The following ACTN2 variants were observed in gnomAD, a reference collection of about 807,000 sequenced individuals.
ACTN2 encodes the protein alpha-actinin-2.
ACTN2 carries 39 observed loss-of-function variants against 113.8 expected under a neutral mutation model. That is an observed-to-expected ratio of 0.34 (90% CI 0.27 to 0.45). The LOEUF (loss-of-function observed/expected upper bound fraction) is 0.45, where lower values mean the gene tolerates loss of function less well. Ranked by LOEUF, ACTN2 falls within the 20% of genes least tolerant of loss-of-function variation. The probability of loss-of-function intolerance (pLI) is 1.00; values close to 1 mark genes in which losing one functional copy is unlikely to be tolerated. For synonymous variants in ACTN2, 429 were observed against 444.1 expected (o/e 0.97, Z 0.43); for missense variants, 992 against 1,177.9 (o/e 0.84, Z 2.31).
intron 6 of ACTN2, among the ~76,000 whole-genome samples, chr1:236,728,596 T>A (rs2564765): frequency 0.4 from 60,344 of 152,112 alleles, 12,985 homozygotes; most frequent in East Asian, 0.55. Flanking sequence ...TAGCCTTGCA[T>A]AAGAAGTTTT....
intron 14 of ACTN2, among the ~76,000 whole-genome samples, chr1:236,750,776 G>T (rs1158844339): frequency 1.3e-5 from 2 of 152,134 alleles, no homozygotes; most frequent in East Asian, 3.9e-4. Context: ...GACTGCAAAG[G>T]TAACACTGGC....
intron 4 of ACTN2, among the ~76,000 whole-genome samples, chr1:236,721,207 T>C (rs574718102): frequency 2.0e-5 from 3 of 151,434 alleles, no homozygotes; most frequent in East Asian, 3.9e-4. Flanking sequence ...TTCATATTTT[T>C]AGTAGAGACG....
chr1:236,744,669 G>A lies in ACTN2; in HGVS notation c.1299G>A (p.Ser433=), dbSNP rs1161300633. 25 of 1,614,090 alleles carry A rather than the reference G, an allele frequency of 1.5e-5. No homozygotes were observed. The highest frequency in any genetic ancestry group is 2.2e-5 in the East Asian group (1 of 44,892). The part of the protein sequence containing the change: ...ILLQKDYESA[S]LTEVRALLRK... ...TGCAGAAGGATTACGAGTCGGCGTC[G>A]CTGACAGAGGTGCGGGCTCTGCTGC... Residue 433 remains serine (S), a synonymous_variant, in exon 12 of 21, where the codon TCG becomes TCA. Coordinates refer to ENST00000366578, the MANE Select transcript of ACTN2 (RefSeq NM_001103.4).
chr1:236,724,629 G>A (rs559733577), intron 4 of ACTN2, among the ~76,000 whole-genome samples: 3 of 152,306 alleles, frequency 2.0e-5, no homozygotes, highest in East Asian at 1.9e-4. Context: ...GTCTCACGTC[G>A]CATAGGGGTG....
intron 3 of ACTN2, 102 bp downstream of exon 3, chr1:236,719,115 A>C (rs1658307440): frequency 6.6e-7 from 1 of 1,516,730 alleles, no homozygotes; most frequent in Admixed American, 1.8e-5. Flanking sequence ...TTCACCATTT[A>C]CTGTACCTGC....
intron 12 of ACTN2, among the ~76,000 whole-genome samples, chr1:236,745,388 C>T (rs563480866): frequency 2.0e-5 from 3 of 152,080 alleles, no homozygotes; most frequent in Non-Finnish European, 4.4e-5. Flanking sequence ...GAGCCGAGAT[C>T]GCGCCACTGC....
chr1:236,751,233 A>T (rs921593052), intron 14 of ACTN2, among the ~76,000 whole-genome samples: 1 of 152,054 alleles, frequency 6.6e-6, no homozygotes, highest in Non-Finnish European at 1.5e-5. Context: ...TTTTTAAAAG[A>T]CTCTACATGA....
intron 18 of ACTN2, 35 bp from the exon 19 acceptor site, chr1:236,759,689 T>C: frequency 6.3e-7 from 1 of 1,596,196 alleles, no homozygotes; most frequent in South Asian, 1.1e-5. Flanking sequence ...TCTTGCCCTG[T>C]GCTCACCTGC....
At position 236,755,005 on chromosome 1, in the gene ACTN2, C is replaced by G; in HGVS notation, c.1975-14C>G. ...CTCTGCTTCTCTCTCTGCTTGCTCA[C>G]TCGCCCCCCTCAGGAGATTGCCCGG... On this transcript the variant is annotated splice_polypyrimidine_tract_variant and intron_variant, in intron 16 of 20. Transcript: ENST00000366578. 1 of 1,614,144 alleles carries G rather than the reference C, an allele frequency of 6.2e-7. No individual in the cohort carries two copies. The highest frequency in any genetic ancestry group is 8.5e-7 in the Non-Finnish European group (1 of 1,180,030).
In ACTN2 at chr1:236,739,248, T is replaced by G. The variant is rs1464169293; in HGVS notation, c.877-54T>G. The stretch of plus-strand genomic sequence containing the variant: ...GGATGCCTCATTTTTTTTTTTTAAC[T>G]GGGGGAGGGGGCTTGCTGGTGTCTT... On this transcript the variant is annotated intron_variant, in intron 9 of 20. Transcript: ENST00000366578. 4 of 1,565,636 alleles carry G rather than the reference T, an allele frequency of 2.6e-6. No individual in the cohort carries two copies. The African/African-American group carries it at 4.1e-5, about 16-fold the overall frequency.
chr1:236,731,806 T>C (rs1439174797), intron 7 of ACTN2, among the ~76,000 whole-genome samples: 2 of 152,232 alleles, frequency 1.3e-5, no homozygotes, highest in African/African-American at 4.8e-5. Context: ...CTTTCACATA[T>C]TGTTTTTAAT....
Position 236,755,044 on chromosome 1 carries a change from T to A in ACTN2, c.2000T>A (p.Ile667Asn). ...GAGATTGCCCGGAGCTCCATCCAGA[T>A]CACAGGAGCCCTGGAAGACCAGATG... Reference protein sequence around the residue: ...MEEIARSSIQITGALEDQMNQ... With the variant: ...MEEIARSSIQNTGALEDQMNQ... The change falls in exon 17 of 21, where the codon ATC (isoleucine) becomes AAC (asparagine). Residue 667 changes from isoleucine (I) to asparagine (N), a missense_variant. Physicochemically the swap from Ile to Asn is moderately radical, Grantham distance 149 (BLOSUM62 -3). Transcript: ENST00000366578. 2 of 1,614,200 alleles carry A rather than the reference T, an allele frequency of 1.2e-6. No individual in the cohort carries two copies. The highest frequency in any genetic ancestry group is 1.7e-6 in the Non-Finnish European group (2 of 1,180,032).
At chr1:236,709,320 ATATATACATG>A in intron 1 of ACTN2, among the ~76,000 whole-genome samples, 1 of 141,476 alleles carries the variant, frequency 7.1e-6, no homozygotes, top group Non-Finnish European at 1.5e-5. Flanking sequence ...ATATATGTAT[ATATATACATG>A]TATATATATA....
At chr1:236,735,521 G>A (rs1281347650) in intron 7 of ACTN2, 114 bp from the exon 8 acceptor site, 12 of 918,136 alleles carry the variant, frequency 1.3e-5, no homozygotes, top group Non-Finnish European at 2.1e-5. Flanking sequence ...ACAGAAATCT[G>A]GTCAGTGTAA....
intron 1 of ACTN2, among the ~76,000 whole-genome samples, chr1:236,690,462 G>C (rs1218429664): frequency 6.6e-6 from 1 of 152,124 alleles, no homozygotes; most frequent in Non-Finnish European, 1.5e-5. Context: ...GCTCTGCCTG[G>C]TACCCGACTA....
chr1:236,720,753 A>C (rs1658360047), intron 4 of ACTN2, among the ~76,000 whole-genome samples: 1 of 152,118 alleles, frequency 6.6e-6, no homozygotes, highest in Admixed American at 6.6e-5. Context: ...TTTTACACCA[A>C]CTACACTCCC....
intron 1 of ACTN2, among the ~76,000 whole-genome samples, chr1:236,710,610 C>T (rs142518296): frequency 1.2e-4 from 18 of 152,302 alleles, no homozygotes; most frequent in South Asian, 4.1e-4. Flanking sequence ...GGGCTCACAA[C>T]GCCCAGACTG....
intron 6 of ACTN2, among the ~76,000 whole-genome samples, chr1:236,729,625 A>G (rs1242769055): frequency 6.6e-6 from 1 of 152,198 alleles, no homozygotes; most frequent in Non-Finnish European, 1.5e-5. Flanking sequence ...GTAGCATGTG[A>G]AGAGTTTACT....
At chr1:236,710,910 A>T (rs1261007045) in intron 1 of ACTN2, among the ~76,000 whole-genome samples, 3 of 151,378 alleles carry the variant, frequency 2.0e-5, no homozygotes, top group Admixed American at 6.6e-5. Context: ...CCACCCGTGG[A>T]AAAATTGTCT....
Sources: allele counts gnomAD v4.1 joint callset (sites outside exome capture counted in the v4.1 genomes callset), GRCh38; gene constraint gnomAD v4.1.1; transcripts MANE v1.5; gene names NCBI Gene and HGNC (gene_info 2026-07-23, HGNC 2026-07-21).